STXBP5L: variants seen among roughly 807,000 people sequenced by gnomAD.
STXBP5L encodes the protein syntaxin binding protein 5L.
STXBP5L carries 65 observed loss-of-function variants against 144.5 expected under a neutral mutation model. The ratio of observed to expected loss-of-function variants is 0.45; its 90% CI spans 0.37 to 0.55. STXBP5L has a LOEUF of 0.55. Ranked by LOEUF, STXBP5L falls within the 20% of genes least tolerant of loss-of-function variation. STXBP5L has a pLI of 0.00. For missense variants in STXBP5L, 1,298 were observed against 1,405.5 expected, an observed-to-expected ratio of 0.92 and a Z score of 1.22; for synonymous variants, 505 against 469.6, an observed-to-expected ratio of 1.08 and a Z score of -0.97.
At chr3:121,102,287 C>T (rs1374889589) in intron 5 of STXBP5L, among the ~76,000 whole-genome samples, 1 of 152,076 alleles carries the variant, frequency 6.6e-6, no homozygotes, top group Non-Finnish European at 1.5e-5. Context: ...AAGCCAGACA[C>T]ATTACATTAC....
chr3:121,213,037 T>G (rs2048638595), intron 10 of STXBP5L, among the ~76,000 whole-genome samples: 1 of 152,206 alleles, frequency 6.6e-6, no homozygotes, highest in South Asian at 2.1e-4. Context: ...ATAGGAATTC[T>G]TGTGATTTTT....
chr3:121,367,440 A>G (rs1362671646), intron 20 of STXBP5L, among the ~76,000 whole-genome samples: 1 of 151,832 alleles, frequency 6.6e-6, no homozygotes, highest in Non-Finnish European at 1.5e-5. Context: ...TCCTCTTAGC[A>G]TTTTAAATAT....
intron 5 of STXBP5L, among the ~76,000 whole-genome samples, chr3:121,062,651 A>G (rs946128947): frequency 6.6e-6 from 1 of 152,104 alleles, no homozygotes; most frequent in African/African-American, 2.4e-5. Flanking sequence ...CACCAGTTAA[A>G]CATAGGTTAG....
intron 18 of STXBP5L, among the ~76,000 whole-genome samples, chr3:121,270,122 G>C (rs955433459): frequency 1.3e-5 from 2 of 151,932 alleles, no homozygotes; most frequent in Admixed American, 1.3e-4. Flanking sequence ...TAAAATATGA[G>C]TAGTCACTCA....
At chr3:121,151,932 A>G (rs2045947915) in intron 7 of STXBP5L, among the ~76,000 whole-genome samples, 1 of 149,972 alleles carries the variant, frequency 6.7e-6, no homozygotes, top group African/African-American at 2.4e-5. Flanking sequence ...TTTATTAATC[A>G]TCTTATTTAT....
chr3:121,176,763 G>T (rs1818659), intron 9 of STXBP5L, among the ~76,000 whole-genome samples: 16,949 of 151,556 alleles, frequency 0.11, 1,040 homozygotes, highest in Non-Finnish European at 0.14. Context: ...CTGAGAAAAG[G>T]CATGAGAACA....
At chr3:121,390,166 T>C (rs2046541375) in intron 22 of STXBP5L, among the ~76,000 whole-genome samples, 1 of 152,196 alleles carries the variant, frequency 6.6e-6, no homozygotes, top group Non-Finnish European at 1.5e-5. Flanking sequence ...CTTTTGACCT[T>C]TGTTAGTATA....
At chr3:121,158,637 C>T (rs2046204136) in intron 9 of STXBP5L, 1 of 152,144 alleles carries the variant, frequency 6.6e-6, no homozygotes, top group African/African-American at 2.4e-5. Flanking sequence ...ATTGCCATTA[C>T]AGAAACCTTG....
intron 9 of STXBP5L, among the ~76,000 whole-genome samples, chr3:121,185,728 G>C (rs1012910548): frequency 1.3e-5 from 2 of 152,164 alleles, no homozygotes; most frequent in African/African-American, 2.4e-5. Flanking sequence ...AAGTCAGGTA[G>C]CATGATGCCT....
chr3:121,324,782 C>A (rs367592415), intron 20 of STXBP5L, among the ~76,000 whole-genome samples: 11 of 151,982 alleles, frequency 7.2e-5, no homozygotes, highest in African/African-American at 2.2e-4. Context: ...TTAGGAATCC[C>A]TAAGGCTTTT....
intron 7 of STXBP5L, among the ~76,000 whole-genome samples, chr3:121,143,410 A>G (rs1055206995): frequency 2.0e-5 from 3 of 151,860 alleles, no homozygotes; most frequent in Non-Finnish European, 3.0e-5. Flanking sequence ...TCATGATGAA[A>G]TAGATGCAAA....
rs760392408 is a variant in STXBP5L at position 121,407,383 on chromosome 3, G to T, written c.2728G>T (p.Val910Leu). 4 of 1,613,030 alleles carry T rather than the reference G, an allele frequency of 2.5e-6. No individual in the cohort carries two copies. Among genetic ancestry groups the T allele is most frequent in the Non-Finnish European group, 3.4e-6 (4 of 1,179,358 alleles). Residue 910 changes from valine to leucine, a missense_variant, in exon 23 of 27, where the codon GTA (valine) becomes TTA (leucine). Transcript: ENST00000471454. ...ENEKSWRRKVVMNSSSASQEI... is the reference protein window; with the variant it reads ...ENEKSWRRKVLMNSSSASQEI... ...TGAAAAATCTTGGAGAAGGAAAGTG[G>T]TAATGAACTCATCTTCTGCATCCCA...
intron 9 of STXBP5L, among the ~76,000 whole-genome samples, chr3:121,194,238 G>A (rs902004761): frequency 6.6e-6 from 1 of 152,032 alleles, no homozygotes; most frequent in Non-Finnish European, 1.5e-5. Flanking sequence ...GTCTCTGTGT[G>A]TATGAATTTG....
At chr3:120,958,556 A>G (rs1174250037) in intron 3 of STXBP5L, among the ~76,000 whole-genome samples, 2 of 152,214 alleles carry the variant, frequency 1.3e-5, no homozygotes, top group Non-Finnish European at 2.9e-5. Context: ...CTTATCCACC[A>G]TGATCAAGTG....
At chr3:121,163,398 A>C (rs2046390031) in intron 9 of STXBP5L, among the ~76,000 whole-genome samples, 1 of 152,006 alleles carries the variant, frequency 6.6e-6, no homozygotes, top group Non-Finnish European at 1.5e-5. Flanking sequence ...CAGGGAAGGG[A>C]ACATCACATA....
chr3:121,327,251 C>T (rs1321909725), intron 20 of STXBP5L, among the ~76,000 whole-genome samples: 1 of 152,112 alleles, frequency 6.6e-6, no homozygotes. Context: ...TAATGTAATG[C>T]CTGCAATTCT....
rs144254521 is a variant in STXBP5L at position 121,064,876 on chromosome 3, C to T, written c.470+19341C>T. Reference sequence around the variant, plus strand: ...CATAGTACCAAATAGGTAGTTTTTCCGTCTAGTATGTAGTTTGCCTTCCTC... The same window carrying T: ...CATAGTACCAAATAGGTAGTTTTTCTGTCTAGTATGTAGTTTGCCTTCCTC... On this transcript the variant is annotated intron_variant, in intron 5 of 26. Coordinates refer to ENST00000471454, the MANE Select transcript of STXBP5L (RefSeq NM_001308330.2). Among the ~76,000 whole-genome samples, 308 of 152,138 alleles carry T rather than the reference C, an allele frequency of 2.0e-3. 2 individuals carry two copies. The Middle Eastern group carries it at 0.027, about 13-fold the overall frequency.
intron 20 of STXBP5L, among the ~76,000 whole-genome samples, chr3:121,354,872 T>A (rs915126101): frequency 6.6e-6 from 1 of 152,192 alleles, no homozygotes; most frequent in Non-Finnish European, 1.5e-5. Context: ...CAGGAGCTCT[T>A]GTAAGGCAGG....
At chr3:121,178,338 A>G (rs992669268) in intron 9 of STXBP5L, among the ~76,000 whole-genome samples, 3 of 152,212 alleles carry the variant, frequency 2.0e-5, no homozygotes, top group Non-Finnish European at 4.4e-5. Context: ...CCTTACAGGT[A>G]AGTTGGCCAT....
Sources: allele counts gnomAD v4.1 joint callset (sites outside exome capture counted in the v4.1 genomes callset), GRCh38; gene constraint gnomAD v4.1.1; transcripts MANE v1.5; gene names NCBI Gene and HGNC (gene_info 2026-07-23, HGNC 2026-07-21).